The following KCND3 variants were observed in gnomAD, a reference collection of about 807,000 sequenced individuals.
The protein encoded by KCND3 is potassium voltage-gated channel subfamily D member 3.
Under a neutral mutation model 51.1 loss-of-function variants are expected in KCND3, and 9 were observed. The ratio of observed to expected loss-of-function variants is 0.18; its 90% CI spans 0.11 to 0.31. KCND3 has a LOEUF of 0.31. Ranked by LOEUF, KCND3 falls within the 10% of genes least tolerant of loss-of-function variation. The pLI, the probability that KCND3 is intolerant of heterozygous loss-of-function variation, is 1.00. For missense variants in KCND3, 526 were observed against 903.8 expected (o/e 0.58, Z 5.36); for synonymous variants, 349 against 368.0 (o/e 0.95, Z 0.59).
chr1:111,964,722 T>C (rs1175958408), intron 2 of KCND3, among the ~76,000 whole-genome samples: 1 of 152,194 alleles, frequency 6.6e-6, no homozygotes, highest in Admixed American at 6.5e-5. Context: ...ACAGAACTAT[T>C]TCCTTTGCAA....
At chr1:111,956,639 A>T (rs1227532789) in intron 2 of KCND3, among the ~76,000 whole-genome samples, 1 of 152,036 alleles carries the variant, frequency 6.6e-6, no homozygotes, top group African/African-American at 2.4e-5. Context: ...ACCAGGCTTG[A>T]GTTCAGCTCA....
chr1:111,871,108 G>A (rs1408059977), intron 2 of KCND3, among the ~76,000 whole-genome samples: 1 of 152,188 alleles, frequency 6.6e-6, no homozygotes, highest in Non-Finnish European at 1.5e-5. Flanking sequence ...GAGGGTTGTG[G>A]TGAAGGGTTT....
At chr1:111,956,541 C>A (rs1432251351) in intron 2 of KCND3, among the ~76,000 whole-genome samples, 1 of 152,154 alleles carries the variant, frequency 6.6e-6, no homozygotes, top group African/African-American at 2.4e-5. Context: ...CTCCGGGAGC[C>A]TCTCCAAGCC....
At position 111,983,637 on chromosome 1, in the gene KCND3, C is replaced by T. The variant is rs571428132; in HGVS notation, c.-72-839G>A. Among the ~76,000 whole-genome samples, 4 of 152,252 alleles carry T rather than the reference C, an allele frequency of 2.6e-5. No homozygotes were observed. In the East Asian group the frequency reaches 5.8e-4, roughly 22 times the overall value. On this transcript the variant is annotated intron_variant, in intron 1 of 7. Coordinates refer to ENST00000302127, the MANE Select transcript of KCND3 (RefSeq NM_001378969.1). ...CTCTCCCTCCCCAGAAGAAGCCGATCCGCGCTCACTGCCGTCCCTAGATTC... is the reference window on the plus strand; with the variant it reads ...CTCTCCCTCCCCAGAAGAAGCCGATTCGCGCTCACTGCCGTCCCTAGATTC...
At chr1:111,839,360 C>T (rs1299218286) in intron 2 of KCND3, among the ~76,000 whole-genome samples, 1 of 152,238 alleles carries the variant, frequency 6.6e-6, no homozygotes, top group Non-Finnish European at 1.5e-5. Context: ...TCACTCTTCT[C>T]CAGAGGCCCA....
chr1:111,895,043 T>G (rs1571812309), intron 2 of KCND3, among the ~76,000 whole-genome samples: 5 of 122,788 alleles, frequency 4.1e-5, no homozygotes, highest in African/African-American at 1.3e-4. Context: ...GAGGGAGATG[T>G]GGAGAGGGAG....
intron 1 of KCND3, among the ~76,000 whole-genome samples, chr1:111,984,731 G>C (rs956967477): frequency 6.6e-6 from 1 of 152,160 alleles, no homozygotes; most frequent in East Asian, 1.9e-4. Context: ...CTAGTATCCA[G>C]CAATAAGACC....
intron 2 of KCND3, among the ~76,000 whole-genome samples, chr1:111,977,439 G>A (rs1674695242): frequency 6.6e-6 from 1 of 152,164 alleles, no homozygotes; most frequent in Admixed American, 6.5e-5. Flanking sequence ...CTTGGAAGAA[G>A]TAAAAATCAA....
intron 2 of KCND3, among the ~76,000 whole-genome samples, chr1:111,813,388 G>A (rs768989738): frequency 6.6e-6 from 1 of 152,250 alleles, no homozygotes; most frequent in African/African-American, 2.4e-5. Flanking sequence ...GCAACGAGGA[G>A]GCTGAGCACC....
rs186588721 is a variant in KCND3, at chr1:111,864,629, T to C, written c.1107-77523A>G. On this transcript the variant is annotated intron_variant, in intron 2 of 7. Transcript: ENST00000302127. Reference sequence around the variant, plus strand: ...CCTCATCTGCTCCAGACCCCAATCATCCCTTGCTGCTGCTGCACTTTTGCT... The same window carrying C: ...CCTCATCTGCTCCAGACCCCAATCACCCCTTGCTGCTGCTGCACTTTTGCT... 6.3e-4 allele frequency among the ~76,000 whole-genome samples: 96 copies of C among 152,202 alleles called. No individual in the cohort carries two copies. In the East Asian group the frequency reaches 0.017, roughly 27 times the overall value.
intron 2 of KCND3, among the ~76,000 whole-genome samples, chr1:111,967,473 C>T (rs947813622): frequency 1.3e-5 from 2 of 152,174 alleles, no homozygotes; most frequent in African/African-American, 4.8e-5. Flanking sequence ...CCTGTGTGGG[C>T]GAGGCTGTTG....
rs1675518225 is a variant in KCND3, at chr1:111,989,560, T to C, written c.-128A>G. The stretch of plus-strand genomic sequence containing the variant: ...CGGCGCCCCGCGCGCGCGAGGAAGC[T>C]GCGGCCGGGAGCCGGGGCCGCGGAG... On this transcript the variant is annotated 5_prime_UTR_variant, in exon 1 of 8. Transcript: ENST00000302127. Among the ~76,000 whole-genome samples the C allele has an allele frequency of 6.7e-6, 1 of 148,972 alleles. No individual in the cohort carries two copies. Among genetic ancestry groups the C allele is most frequent in the Non-Finnish European group, 1.5e-5 (1 of 66,980 alleles).
In KCND3 at chr1:111,771,647, G is replaced by A. The variant is rs1663909953; in HGVS notation, c.*4430C>T. ...ATTTTCCTTGTCTACAATCTAATAA[G>A]TGATATCCTGAACTGTAGGAATCAT... On this transcript the variant is annotated 3_prime_UTR_variant, in exon 8 of 8. Coordinates refer to ENST00000302127, the MANE Select transcript of KCND3 (RefSeq NM_001378969.1). The A allele has an allele frequency of 6.6e-6, 1 of 152,112 alleles. No individual in the cohort carries two copies. Among genetic ancestry groups the A allele is most frequent in the Non-Finnish European group, 1.5e-5 (1 of 68,022 alleles). The allele number at this position is 152,112 out of a possible 1,614,324, so 9.4% of individuals were successfully genotyped here.
At chr1:111,886,894 C>T (rs1669596181) in intron 2 of KCND3, among the ~76,000 whole-genome samples, 1 of 152,172 alleles carries the variant, frequency 6.6e-6, no homozygotes, top group Non-Finnish European at 1.5e-5. Flanking sequence ...GTATTGTGGC[C>T]AGTATTAACA....
intron 2 of KCND3, among the ~76,000 whole-genome samples, chr1:111,964,261 G>T (rs1469626699): frequency 6.6e-6 from 1 of 152,196 alleles, no homozygotes; most frequent in African/African-American, 2.4e-5. Flanking sequence ...TTTTCACTGA[G>T]GATGGCCCAG....
At chr1:111,910,212 G>C (rs1194619742) in intron 2 of KCND3, 1 of 152,184 alleles carries the variant, frequency 6.6e-6, no homozygotes, top group Non-Finnish European at 1.5e-5. Context: ...TGTTGACTTC[G>C]CACTGCCATC....
intron 2 of KCND3, among the ~76,000 whole-genome samples, chr1:111,838,676 C>CAAA (rs1464846917): frequency 7.3e-5 from 11 of 150,926 alleles, no homozygotes; most frequent in African/African-American, 2.7e-4. Flanking sequence ...AAAACAAAAG[C>CAAA]AAAAACAACA....
chr1:111,786,875 C>T (rs1349528376), intron 3 of KCND3, 69 bp downstream of exon 3: 4 of 1,587,060 alleles, frequency 2.5e-6, no homozygotes, highest in African/African-American at 2.7e-5. Flanking sequence ...GAGCTCTAGT[C>T]CTGGCTCCCT....
Position 111,982,532 on chromosome 1 carries a change from C to G in KCND3, c.195G>C (p.Leu65=), listed in dbSNP as rs745746659. 10 of 1,607,860 alleles carry G rather than the reference C, an allele frequency of 6.2e-6. No homozygotes were observed. In the South Asian group the frequency reaches 9.9e-5, roughly 16 times the overall value. ...RTTLERYPDT[L]LGSTEKEFFF... ...AGAACTCCTTCTCCGTGCTGCCCAG[C>G]AGGGTGTCCGGGTAGCGCTCCAGCG... Residue 65 remains leucine, a synonymous_variant, in exon 2 of 8, where the codon CTG becomes CTC. Coordinates refer to ENST00000302127, the MANE Select transcript of KCND3 (RefSeq NM_001378969.1). The surrounding 1 kb of genome is among the most constrained non-coding windows in gnomAD (Gnocchi z 8.5).
Sources: allele counts gnomAD v4.1 joint callset (sites outside exome capture counted in the v4.1 genomes callset), GRCh38; gene constraint gnomAD v4.1.1; non-coding constraint Gnocchi (gnomAD v3.1); transcripts MANE v1.5; gene names NCBI Gene and HGNC (gene_info 2026-07-23, HGNC 2026-07-21).